Variants in RCOR1 observed in about 807,000 individuals in gnomAD.
RCOR1 encodes the protein REST corepressor.
RCOR1 carries 12 observed loss-of-function variants against 64.0 expected under a neutral mutation model. The ratio of observed to expected loss-of-function variants is 0.19; its 90% CI spans 0.12 to 0.30. The LOEUF is 0.30. RCOR1 is among the 10% of genes least tolerant of loss of function. The probability of loss-of-function intolerance (pLI) is 1.00; values close to 1 mark genes in which losing one functional copy is unlikely to be tolerated. For missense variants in RCOR1, 502 were observed against 621.2 expected (o/e 0.81, Z 2.04); for synonymous variants, 279 against 227.2 (o/e 1.23, Z -2.05).
chr14:102,632,647 TCC>T (rs1894141330), intron 2 of RCOR1, among the ~76,000 whole-genome samples: 2 of 64,546 alleles, frequency 3.1e-5, no homozygotes, highest in African/African-American at 9.3e-5. Context: ...TCCTTTCCTT[TCC>T]TTTCCTTTCC....
At chr14:102,691,320 G>C (rs1406174609) in intron 3 of RCOR1, among the ~76,000 whole-genome samples, 1 of 75,904 alleles carries the variant, frequency 1.3e-5, no homozygotes, top group African/African-American at 6.8e-5. Flanking sequence ...CTAGGATGGG[G>C]AGAGGTGGGG....
chr14:102,707,608 T>TCAAA, intron 5 of RCOR1, 96 bp downstream of exon 5: 1 of 1,049,888 alleles, frequency 9.5e-7, no homozygotes, highest in Non-Finnish European at 1.4e-6. Flanking sequence ...CAAACATAAA[T>TCAAA]ATTCCCATTT....
In RCOR1 at chr14:102,708,482, A is replaced by G; in HGVS notation, c.678A>G (p.Ile226Met). The G allele has an allele frequency of 6.4e-7, 1 of 1,561,034 alleles. No individual in the cohort carries two copies. The highest frequency in any genetic ancestry group is 8.8e-7 in the Non-Finnish European group (1 of 1,132,220). ...RIQQMLPDKS[I>M]ASLVKFYYSW... ...ATGTTTAGCTTCCAGATAAATCTATAGCAAGTCTGGTGAAATTTTACTATT... is the reference window on the plus strand; with the variant it reads ...ATGTTTAGCTTCCAGATAAATCTATGGCAAGTCTGGTGAAATTTTACTATT... Residue 226 changes from isoleucine (I) to methionine (M), a missense_variant, in exon 6 of 12, where the codon ATA (isoleucine) becomes ATG (methionine). Coordinates refer to ENST00000262241, the MANE Select transcript of RCOR1 (RefSeq NM_015156.4).
intron 3 of RCOR1, among the ~76,000 whole-genome samples, chr14:102,689,140 A>G (rs757645030): frequency 3.9e-5 from 6 of 152,212 alleles, no homozygotes; most frequent in Non-Finnish European, 8.8e-5. Context: ...ATTAGAGTTT[A>G]AAATATATGT....
chr14:102,651,036 TTC>T, intron 2 of RCOR1: 2 of 975,206 alleles, frequency 2.1e-6, no homozygotes, highest in Non-Finnish European at 2.4e-6. Context: ...TAACTCCTAA[TTC>T]ACTAGCAGCT....
chr14:102,622,038 T>C (rs1447145701), intron 2 of RCOR1, among the ~76,000 whole-genome samples: 2 of 152,174 alleles, frequency 1.3e-5, no homozygotes, highest in Admixed American at 1.3e-4. Flanking sequence ...TACCCCTAAC[T>C]GCCATCCACA....
intron 2 of RCOR1, among the ~76,000 whole-genome samples, chr14:102,632,939 G>T (rs1194480672): frequency 6.6e-6 from 1 of 151,334 alleles, no homozygotes; most frequent in Admixed American, 6.6e-5. Context: ...AGCCTCCTGA[G>T]TAGCTGAGAC....
chr14:102,682,611 C>T (rs1895329270), intron 3 of RCOR1, among the ~76,000 whole-genome samples: 1 of 152,150 alleles, frequency 6.6e-6, no homozygotes, highest in Non-Finnish European at 1.5e-5. Context: ...CTTCAGGTGC[C>T]TTTTCAGATG....
intron 2 of RCOR1, among the ~76,000 whole-genome samples, chr14:102,633,918 T>C (rs962204563): frequency 1.3e-5 from 2 of 152,184 alleles, no homozygotes; most frequent in Admixed American, 1.3e-4. Flanking sequence ...AATTCTATTC[T>C]CTGTATAATA....
intron 2 of RCOR1, among the ~76,000 whole-genome samples, chr14:102,640,228 AC>A (rs1430382399): frequency 6.6e-6 from 1 of 152,130 alleles, no homozygotes; most frequent in Admixed American, 6.6e-5. Flanking sequence ...CAGATCGCCC[AC>A]CTCAGCCTCC....
intron 2 of RCOR1, among the ~76,000 whole-genome samples, chr14:102,649,540 A>G (rs1368217807): frequency 2.6e-5 from 4 of 152,242 alleles, no homozygotes; most frequent in Non-Finnish European, 4.4e-5. Flanking sequence ...GACTAGGATT[A>G]GGAAGCAAGT....
chr14:102,656,861 C>T (rs537527314), intron 2 of RCOR1, among the ~76,000 whole-genome samples: 6 of 151,808 alleles, frequency 4.0e-5, no homozygotes, highest in Non-Finnish European at 8.8e-5. Context: ...CTGCAACCTC[C>T]GCCTTCCAGG....
chr14:102,702,179 A>G (rs1269412459), intron 4 of RCOR1, among the ~76,000 whole-genome samples: 1 of 152,170 alleles, frequency 6.6e-6, no homozygotes, highest in Non-Finnish European at 1.5e-5. Flanking sequence ...AGTTACCAAG[A>G]GTTTAGATTA....
At chr14:102,679,043 C>G (rs1895249664) in intron 2 of RCOR1, among the ~76,000 whole-genome samples, 1 of 152,088 alleles carries the variant, frequency 6.6e-6, no homozygotes, top group Non-Finnish European at 1.5e-5. Context: ...GTTGCATATG[C>G]GATATGCAAA....
At chr14:102,605,361 T>C (rs753031482) in intron 2 of RCOR1, among the ~76,000 whole-genome samples, 30 of 152,312 alleles carry the variant, frequency 2.0e-4, no homozygotes, top group Non-Finnish European at 3.5e-4. Flanking sequence ...TGGAGTTTTT[T>C]TTAGAAGAGC....
chr14:102,629,453 C>G (rs1417469894), intron 2 of RCOR1, among the ~76,000 whole-genome samples: 1 of 142,238 alleles, frequency 7.0e-6, no homozygotes, highest in East Asian at 2.1e-4. Flanking sequence ...CCCCCCCCCC[C>G]ACCACTGCTT....
At chr14:102,611,550 G>A (rs192917214) in intron 2 of RCOR1, among the ~76,000 whole-genome samples, 19 of 152,144 alleles carry the variant, frequency 1.2e-4, no homozygotes, top group East Asian at 9.6e-4. Context: ...GTTGGAGGCT[G>A]GATATTTTTG....
intron 4 of RCOR1, among the ~76,000 whole-genome samples, chr14:102,704,808 A>G (rs181470369): frequency 1.3e-5 from 2 of 152,296 alleles, no homozygotes; most frequent in East Asian, 1.9e-4. Flanking sequence ...CCTGGACAAC[A>G]TGGCAAAATC....
In RCOR1 at chr14:102,722,413, C is replaced by G. The variant is rs767226955; in HGVS notation, c.1416C>G (p.Asp472Glu). The G allele has an allele frequency of 2.5e-6, 4 of 1,608,752 alleles. No homozygotes were observed. The highest frequency in any genetic ancestry group is 3.4e-6 in the Non-Finnish European group (4 of 1,176,506). Residue 472 changes from aspartate to glutamate, a missense_variant, in exon 11 of 12, where the codon GAC (aspartate) becomes GAG (glutamate). Asp to Glu is a conservative substitution (Grantham distance 45, BLOSUM62 2). This residue lies in a region of RCOR1 where 260 missense variants were observed against 416.4 expected (regional missense o/e 0.62). Coordinates refer to ENST00000262241, the MANE Select transcript of RCOR1 (RefSeq NM_015156.4). ...DNSIKMPEEE[D>E]EAPVLDVRYA... is the part of the protein sequence containing the mutation. ...CCATTAAGATGCCCGAAGAGGAAGA[C>G]GAGGTAAATCTGAAACAAAACAGTC...
Sources: gnomAD v4.1 joint callset for allele counts (sites outside exome capture counted in the v4.1 genomes callset) on GRCh38, gnomAD v4.1.1 for gene constraint, gnomAD v4.1.1 regional missense constraint, MANE v1.5 for transcripts, NCBI Gene and HGNC (gene_info 2026-07-23, HGNC 2026-07-21) for gene names.